The following SPATS2L variants were observed in gnomAD, a reference collection of about 807,000 sequenced individuals.
The protein encoded by SPATS2L is SPATS2-like protein.
In SPATS2L, 30 loss-of-function variants were observed where a neutral mutation model predicts 59.6. The ratio of observed to expected loss-of-function variants is 0.50; its 90% CI spans 0.38 to 0.68. SPATS2L has a LOEUF of 0.68. Among genes scored for constraint, SPATS2L ranks in the 30% least tolerant of loss-of-function variants. The pLI is 0.00. For missense variants in SPATS2L, 615 were observed against 700.0 expected, an observed-to-expected ratio of 0.88 and a Z score of 1.37; for synonymous variants, 252 against 263.5, an observed-to-expected ratio of 0.96 and a Z score of 0.42.
At chr2:200,437,406 G>C (rs998143822) in intron 6 of SPATS2L, among the ~76,000 whole-genome samples, 4 of 152,162 alleles carry the variant, frequency 2.6e-5, no homozygotes, top group Non-Finnish European at 4.4e-5. Flanking sequence ...CACTCCAACA[G>C]AATCACCTGG....
intron 2 of SPATS2L, among the ~76,000 whole-genome samples, chr2:200,344,055 A>G (rs181481732): frequency 1.3e-5 from 2 of 151,764 alleles, no homozygotes; most frequent in Admixed American, 1.3e-4. Context: ...TTTAAAAAAA[A>G]TTTATTTTTA....
At chr2:200,459,868 A>C (rs1212629649) in intron 9 of SPATS2L, 41 bp downstream of exon 9, 13 of 1,405,178 alleles carry the variant, frequency 9.3e-6, no homozygotes, top group Non-Finnish European at 1.3e-5. Flanking sequence ...GGAGCTTCCC[A>C]ATCAGAAGCA....
chr2:200,371,023 TG>T lies in SPATS2L; in HGVS notation c.-22-18197del, dbSNP rs1244316385. On this transcript the variant is annotated intron_variant, in intron 2 of 12. Coordinates refer to ENST00000409140, the MANE Select transcript of SPATS2L (RefSeq NM_001100423.2). Reference sequence around the variant, plus strand: ...ACTGCCAAAGTAAAGATTGGGGAAATGGGACTCAGGTCATATGAGGAAATCT... The same window carrying T: ...ACTGCCAAAGTAAAGATTGGGGAAATGGACTCAGGTCATATGAGGAAATCT... Among the ~76,000 whole-genome samples the T allele has an allele frequency of 2.6e-5, 4 of 152,234 alleles. No individual in the cohort carries two copies. In the East Asian group the frequency reaches 5.8e-4, roughly 22 times the overall value.
At chr2:200,470,227 AG>A (rs2086921988) in intron 11 of SPATS2L, among the ~76,000 whole-genome samples, 2 of 152,208 alleles carry the variant, frequency 1.3e-5, no homozygotes, top group African/African-American at 4.8e-5. Flanking sequence ...GTAATTCCCC[AG>A]GATTTATTAA....
At chr2:200,356,429 G>T (rs985077604) in intron 2 of SPATS2L, among the ~76,000 whole-genome samples, 1 of 152,064 alleles carries the variant, frequency 6.6e-6, no homozygotes, top group Non-Finnish European at 1.5e-5. Context: ...AAAGCCAGAA[G>T]TAAAAAAATG....
At chr2:200,366,624 G>C (rs1336425066) in intron 2 of SPATS2L, among the ~76,000 whole-genome samples, 1 of 152,112 alleles carries the variant, frequency 6.6e-6, no homozygotes, top group Non-Finnish European at 1.5e-5. Flanking sequence ...TGAAATATTT[G>C]ATATGAAAAT....
chr2:200,399,716 C>T (rs2082463042), intron 3 of SPATS2L, among the ~76,000 whole-genome samples: 1 of 152,072 alleles, frequency 6.6e-6, no homozygotes, highest in South Asian at 2.1e-4. Context: ...TGTAGGTGAA[C>T]AAATAAACTC....
At chr2:200,412,898 T>C (rs1339032019) in intron 4 of SPATS2L, among the ~76,000 whole-genome samples, 1 of 151,608 alleles carries the variant, frequency 6.6e-6, no homozygotes, top group Admixed American at 6.6e-5. Flanking sequence ...TAAAAAAATA[T>C]ATATATAAAT....
At chr2:200,424,940 CCT>C (rs2083471303) in intron 6 of SPATS2L, among the ~76,000 whole-genome samples, 1 of 152,202 alleles carries the variant, frequency 6.6e-6, no homozygotes, top group South Asian at 2.1e-4. Flanking sequence ...TGCTTGCTGA[CCT>C]TCACGAGCTG....
chr2:200,372,874 AGTGTGGTGCCTAAAGAGG>A (rs372069736), intron 2 of SPATS2L, among the ~76,000 whole-genome samples: 135 of 152,282 alleles, frequency 8.9e-4, no homozygotes, highest in African/African-American at 3.2e-3. Context: ...AGAATCATCC[AGTGTGGTGCCTAAAGAGG>A]GTTTTGTTTG....
chr2:200,395,709 A>G (rs1044724140), intron 3 of SPATS2L, among the ~76,000 whole-genome samples: 5 of 152,024 alleles, frequency 3.3e-5, no homozygotes, highest in African/African-American at 1.2e-4. Context: ...ATGGAAAAAG[A>G]GCTCTAGTTA....
At position 200,402,566 on chromosome 2, in the gene SPATS2L, C is replaced by T. The variant is rs573053117; in HGVS notation, c.40-9745C>T. On this transcript the variant is annotated intron_variant, in intron 3 of 12. Transcript: ENST00000409140. ...ACTTCAGTCCTTGGAGGGGGCTTCC[C>T]TTACTCTCTAGACTAGGACAGGTCC... Among the ~76,000 whole-genome samples the T allele has an allele frequency of 4.6e-5, 7 of 152,314 alleles. No homozygotes were observed. In the South Asian group the frequency reaches 1.5e-3, roughly 32 times the overall value.
chr2:200,447,123 A>G (rs1288692536), intron 8 of SPATS2L, among the ~76,000 whole-genome samples: 1 of 152,228 alleles, frequency 6.6e-6, no homozygotes, highest in African/African-American at 2.4e-5. Context: ...ATTTTGCAAT[A>G]AAACCAAATA....
At chr2:200,309,625 T>A (rs1030805279) in intron 1 of SPATS2L, among the ~76,000 whole-genome samples, 1 of 152,246 alleles carries the variant, frequency 6.6e-6, no homozygotes, top group Admixed American at 6.5e-5. Context: ...TGTTTATTGA[T>A]CTCTGAATGT....
intron 2 of SPATS2L, among the ~76,000 whole-genome samples, chr2:200,337,481 G>A (rs1180797229): frequency 1.3e-5 from 2 of 152,116 alleles, no homozygotes; most frequent in South Asian, 2.1e-4. Context: ...GCCAAGTATA[G>A]GCCTAATTGC....
chr2:200,448,740 T>A (rs915247535), intron 8 of SPATS2L, among the ~76,000 whole-genome samples: 7 of 152,066 alleles, frequency 4.6e-5, no homozygotes, highest in African/African-American at 1.7e-4. Context: ...GAATTAAACT[T>A]TTTTCTCCCC....
At chr2:200,309,427 A>C (rs2079127540) in intron 1 of SPATS2L, among the ~76,000 whole-genome samples, 1 of 152,240 alleles carries the variant, frequency 6.6e-6, no homozygotes, top group African/African-American at 2.4e-5. Flanking sequence ...CTTGACAGGT[A>C]CTGCTTAGTC....
At chr2:200,448,721 A>G (rs540744727) in intron 8 of SPATS2L, among the ~76,000 whole-genome samples, 4 of 152,318 alleles carry the variant, frequency 2.6e-5, no homozygotes, top group African/African-American at 9.6e-5. Context: ...ACAAAGCACC[A>G]TAGAAAGAGA....
intron 1 of SPATS2L, among the ~76,000 whole-genome samples, chr2:200,319,814 G>A (rs1024202412): frequency 6.6e-6 from 1 of 152,130 alleles, no homozygotes; most frequent in Non-Finnish European, 1.5e-5. Flanking sequence ...GGTCTCCTTT[G>A]TTCTTTACTT....
Sources: allele counts gnomAD v4.1 joint callset (sites outside exome capture counted in the v4.1 genomes callset), GRCh38; gene constraint gnomAD v4.1.1; transcripts MANE v1.5; gene names NCBI Gene and HGNC (gene_info 2026-07-23, HGNC 2026-07-21).